The following STOML3 variants were observed in gnomAD, a reference collection of about 807,000 sequenced individuals.
STOML3 encodes the protein stomatin-like protein 3.
Under a neutral mutation model 29.5 loss-of-function variants are expected in STOML3, and 31 were observed. That is an observed-to-expected ratio of 1.05 (90% CI 0.79 to 1.42). The LOEUF (loss-of-function observed/expected upper bound fraction) is 1.42. Among genes scored for constraint, STOML3 ranks in the 40% most tolerant of loss-of-function variants. The pLI is 0.00. For synonymous variants in STOML3, 122 were observed against 139.8 expected, an observed-to-expected ratio of 0.87 and a Z score of 0.90; for missense variants, 380 against 363.0, an observed-to-expected ratio of 1.05 and a Z score of -0.38.
In STOML3 at chr13:38,966,990, C is replaced by G. The variant is rs1205572922; in HGVS notation, c.711G>C (p.Val237=). The change falls in exon 7 of 7, where the codon GTG becomes GTC. Residue 237 remains valine (V), a synonymous_variant. Coordinates refer to ENST00000379631, the MANE Select transcript of STOML3 (RefSeq NM_145286.3). ...GGAGAGCTATGGGAGACTCAGCCAG[C>G]ACCATGGAGGCTGACTTCAGGGATT... ...ASKSLKSASM[V]LAESPIALQL... 3 of 1,614,106 alleles carry G rather than the reference C, an allele frequency of 1.9e-6. No homozygotes were observed. The highest frequency in any genetic ancestry group is 1.7e-5 in the Admixed American group (1 of 60,016).
chr13:38,973,439 A>G (rs1294100678), intron 3 of STOML3, among the ~76,000 whole-genome samples: 1 of 152,202 alleles, frequency 6.6e-6, no homozygotes, highest in Non-Finnish European at 1.5e-5. Context: ...GAAGTCCAAG[A>G]TCAAGATGCT....
chr13:38,978,977 A>G (rs1881184823), intron 1 of STOML3, among the ~76,000 whole-genome samples: 1 of 152,228 alleles, frequency 6.6e-6, no homozygotes, highest in African/African-American at 2.4e-5. Flanking sequence ...CACCAACAGC[A>G]TAGAAGTGCT....
chr13:38,986,587 C>T (rs984623830), intron 1 of STOML3, among the ~76,000 whole-genome samples: 12 of 152,098 alleles, frequency 7.9e-5, no homozygotes, highest in Non-Finnish European at 1.6e-4. Flanking sequence ...TTCTGGTTCT[C>T]TCTGTAGAGA....
chr13:38,976,513 CA>C, intron 3 of STOML3, 26 bp downstream of exon 3: 1 of 1,613,368 alleles, frequency 6.2e-7, no homozygotes, highest in Non-Finnish European at 8.5e-7. Flanking sequence ...CCTGATCTTT[CA>C]GGGGCAGCCA....
intron 1 of STOML3, among the ~76,000 whole-genome samples, chr13:38,985,809 T>A (rs1464312027): frequency 6.7e-6 from 1 of 148,510 alleles, no homozygotes; most frequent in Non-Finnish European, 1.5e-5. Flanking sequence ...GACAGTAGAA[T>A]CACAAGTATA....
At chr13:38,980,197 A>T in intron 1 of STOML3, 1 of 1,481,370 alleles carries the variant, frequency 6.8e-7, no homozygotes, top group East Asian at 2.5e-5. Context: ...GAGCATTAGA[A>T]TCACCCAGGC....
At chr13:38,980,410 G>A (rs1386126551) in intron 1 of STOML3, among the ~76,000 whole-genome samples, 9 of 152,186 alleles carry the variant, frequency 5.9e-5, no homozygotes, top group Non-Finnish European at 2.9e-5. Flanking sequence ...AAACTAGGAT[G>A]CTATACTGAG....
Position 38,976,841 on chromosome 13 carries a change from T to TA in STOML3, c.53-45dup, listed in dbSNP as rs781133557. ...GCAAATATGTGATCAATGTGGTTAT[T>TA]AAAAAAGCCACCCAGCTGCATGGGT... is the stretch of plus-strand genomic sequence containing the variant. On this transcript the variant is annotated intron_variant, in intron 1 of 6. Coordinates refer to ENST00000379631, the MANE Select transcript of STOML3 (RefSeq NM_145286.3). 36 of 1,546,052 alleles carry TA rather than the reference T, an allele frequency of 2.3e-5. No individual in the cohort carries two copies. The African/African-American group carries it at 4.5e-4, about 19-fold the overall frequency.
chr13:38,981,861 T>C (rs61945555), intron 1 of STOML3, among the ~76,000 whole-genome samples: 7 of 152,166 alleles, frequency 4.6e-5, no homozygotes, highest in Non-Finnish European at 1.0e-4. Context: ...TGGAAGTGTC[T>C]ACTAAAGCTA....
intron 1 of STOML3, among the ~76,000 whole-genome samples, chr13:38,986,289 C>A (rs1462425749): frequency 1.3e-5 from 2 of 151,914 alleles, no homozygotes; most frequent in African/African-American, 4.8e-5. Context: ...CCTGCCTCGG[C>A]CTCCCAAAGT....
In STOML3 at chr13:38,966,965, G is replaced by A. The variant is rs769658370; in HGVS notation, c.736C>T (p.Gln246Ter). The stretch of plus-strand genomic sequence containing the variant: ...CTCAAGGTCTGCAGGTAGCGCAGCT[G>A]GAGAGCTATGGGAGACTCAGCCAGC... ...MVLAESPIAL[Q>*]LRYLQTLSTV... Residue 246 changes from glutamine (Q) to a stop codon, truncating the protein, a stop_gained, in exon 7 of 7, where the codon CAG (glutamine) becomes TAG (stop). Transcript: ENST00000379631. LOFTEE classifies it high-confidence loss of function. 9 of 1,613,872 alleles carry A rather than the reference G, an allele frequency of 5.6e-6. No individual in the cohort carries two copies. Among genetic ancestry groups the A allele is most frequent in the African/African-American group, 1.3e-5 (1 of 74,854 alleles).
chr13:38,983,387 T>C (rs1002285516), intron 1 of STOML3, among the ~76,000 whole-genome samples: 27 of 152,338 alleles, frequency 1.8e-4, no homozygotes, highest in African/African-American at 5.0e-4. Context: ...CTTTGTTCAG[T>C]ACAGTTTTTG....
intron 4 of STOML3, among the ~76,000 whole-genome samples, chr13:38,971,190 G>A (rs1880853209): frequency 6.6e-6 from 1 of 152,054 alleles, no homozygotes; most frequent in African/African-American, 2.4e-5. Flanking sequence ...ATGCCACCAT[G>A]CCCAGCTAAT....
intron 1 of STOML3, among the ~76,000 whole-genome samples, chr13:38,983,421 T>C (rs1881333988): frequency 6.6e-6 from 1 of 152,236 alleles, no homozygotes; most frequent in South Asian, 2.1e-4. Flanking sequence ...CACTTTATTT[T>C]GTTCCATTTT....
chr13:38,983,614 G>A (rs1039709039), intron 1 of STOML3, among the ~76,000 whole-genome samples: 1 of 152,132 alleles, frequency 6.6e-6, no homozygotes, highest in Non-Finnish European at 1.5e-5. Flanking sequence ...ATAACCCTTG[G>A]AACCTTGAGA....
At chr13:38,972,470 T>G in intron 4 of STOML3, 42 bp downstream of exon 4, 1 of 1,573,710 alleles carries the variant, frequency 6.4e-7, no homozygotes, top group Admixed American at 1.7e-5. Context: ...ATAGAGAAAA[T>G]ACAAGTTTAA....
chr13:38,980,505 A>G (rs1261172362), intron 1 of STOML3, among the ~76,000 whole-genome samples: 1 of 152,188 alleles, frequency 6.6e-6, no homozygotes, highest in South Asian at 2.1e-4. Flanking sequence ...AAATCGCCCT[A>G]CTTCAAGCTA....
chr13:38,987,365 A>C (rs1251432528), intron 1 of STOML3, among the ~76,000 whole-genome samples: 1 of 152,066 alleles, frequency 6.6e-6, no homozygotes, highest in Non-Finnish European at 1.5e-5. Flanking sequence ...TCTACAAAAA[A>C]ATACAAAAAT....
intron 1 of STOML3, among the ~76,000 whole-genome samples, chr13:38,978,006 C>A: frequency 6.6e-6 from 1 of 151,820 alleles, no homozygotes; most frequent in Admixed American, 6.6e-5. Flanking sequence ...GTGATCTGCC[C>A]GCCTCAGCCT....
Sources: gnomAD v4.1 joint callset for allele counts (sites outside exome capture counted in the v4.1 genomes callset) on GRCh38, gnomAD v4.1.1 for gene constraint, MANE v1.5 for transcripts, NCBI Gene and HGNC (gene_info 2026-07-23, HGNC 2026-07-21) for gene names.